The following THAP6 variants were observed in gnomAD, a reference collection of about 807,000 sequenced individuals.
THAP6 encodes THAP domain-containing protein 6.
A neutral mutation model predicts 20.0 loss-of-function variants in THAP6; 13 were observed. The ratio of observed to expected loss-of-function variants is 0.65; its 90% CI spans 0.42 to 1.03. The LOEUF (loss-of-function observed/expected upper bound fraction) is 1.03, where lower values mean the gene tolerates loss of function less well. THAP6 is among the 50% of genes least tolerant of loss of function. The pLI, the probability that THAP6 is intolerant of heterozygous loss-of-function variation, is 0.00. For missense variants in THAP6, 262 were observed against 261.6 expected (o/e 1.00, Z -0.01); for synonymous variants, 93 against 92.2 (o/e 1.01, Z -0.05).
intron 4 of THAP6, chr4:75,522,600 C>G (rs1726103071): frequency 6.6e-6 from 1 of 151,994 alleles, no homozygotes; most frequent in Non-Finnish European, 1.5e-5. Flanking sequence ...ACTACCTTTC[C>G]CAATCTCTCG....
chr4:75,521,869 A>C lies in THAP6; in HGVS notation c.414+8A>C, dbSNP rs371924272. 120 of 1,613,208 alleles carry C rather than the reference A, an allele frequency of 7.4e-5. No homozygotes were observed. Among genetic ancestry groups the C allele is most frequent in the Non-Finnish European group, 1.0e-4 (118 of 1,179,518 alleles). ...CAATCCCAGTTCATTTTTGTAAGTA[A>C]ATTACTTGCTGAGCTCATGTTAATT... is the stretch of plus-strand genomic sequence containing the variant. On this transcript the variant is annotated splice_region_variant and intron_variant, in intron 4 of 4. Transcript: ENST00000311638.
chr4:75,534,812 C>T (rs1477263427), downstream of THAP6, among the ~76,000 whole-genome samples: 2 of 152,204 alleles, frequency 1.3e-5, no homozygotes, highest in Non-Finnish European at 2.9e-5. Context: ...GAAAAAAATG[C>T]TCATCATCAC....
chr4:75,532,628 C>T (rs1303136794), downstream of THAP6, among the ~76,000 whole-genome samples: 2 of 152,244 alleles, frequency 1.3e-5, no homozygotes, highest in Non-Finnish European at 2.9e-5. Flanking sequence ...CCTGGCCCTA[C>T]AACAAACTTC....
Position 75,529,516 on chromosome 4 carries a change from A to G in THAP6, c.*2302A>G, listed in dbSNP as rs372246866. ...TTCTCTTTGTTCTAATAGGGAAGCAATTACTGATAGAAATGTGAGATTAAA... is the reference window on the plus strand; with the variant it reads ...TTCTCTTTGTTCTAATAGGGAAGCAGTTACTGATAGAAATGTGAGATTAAA... On this transcript the variant is annotated 3_prime_UTR_variant, in exon 5 of 5. Transcript: ENST00000311638. 9.4e-5 allele frequency: 93 copies of G among 985,446 alleles called. 1 individual carries two copies. In the African/African-American group the frequency reaches 1.6e-3, roughly 17 times the overall value. 61.0% of individuals were successfully genotyped at this position (985,446 alleles called of 1,614,324 possible). A position where few individuals can be genotyped will look rare whatever the true frequency, so the allele number is the denominator to read the frequency against.
intron 4 of THAP6, among the ~76,000 whole-genome samples, chr4:75,525,789 G>A (rs540396432): frequency 3.0e-4 from 45 of 152,186 alleles, no homozygotes; most frequent in Non-Finnish European, 5.0e-4. Flanking sequence ...TGACAAGACT[G>A]TTTTGCATAC....
intron 2 of THAP6, among the ~76,000 whole-genome samples, chr4:75,536,215 A>G (rs1726847438): frequency 6.6e-6 from 1 of 152,268 alleles, no homozygotes; most frequent in Non-Finnish European, 1.5e-5. Flanking sequence ...CTGTAATCCC[A>G]GCACTTTGGG....
Position 75,527,130 on chromosome 4 carries a change from G to C in THAP6, c.585G>C (p.Leu195=), listed in dbSNP as rs766728334. The C allele has an allele frequency of 1.9e-5, 31 of 1,614,012 alleles. No homozygotes were observed. In the Admixed American group the frequency reaches 4.7e-4, roughly 24 times the overall value. The change falls in exon 5 of 5, where the codon CTG becomes CTC. Residue 195 remains leucine, a synonymous_variant. Transcript: ENST00000311638. ...TCAGGGAATTAAAGGATGAATGTCT[G>C]ATCAGCCAAGAAACAGCAAATAGAC... is the stretch of plus-strand genomic sequence containing the variant. ...KTIRELKDEC[L]ISQETANRLD...
chr4:75,516,733 G>C, intron 2 of THAP6, 39 bp from the exon 3 acceptor site: 1 of 1,555,864 alleles, frequency 6.4e-7, no homozygotes, highest in Non-Finnish European at 8.8e-7. Context: ...TATAGCAATA[G>C]TATTTGATTT....
At position 75,529,587 on chromosome 4, in the gene THAP6, T is replaced by C. The variant is rs960095200; in HGVS notation, c.*2373T>C. On this transcript the variant is annotated 3_prime_UTR_variant, in exon 5 of 5. Transcript: ENST00000311638. ...TCCAAACAAATGCCTAAACACAGTATGTATCTCAGTCCTCTGTTCCCAGAG... is the reference window on the plus strand; with the variant it reads ...TCCAAACAAATGCCTAAACACAGTACGTATCTCAGTCCTCTGTTCCCAGAG... The C allele has an allele frequency of 3.0e-6, 3 of 985,334 alleles. No homozygotes were observed. The highest frequency in any genetic ancestry group is 6.1e-5 in the Admixed American group (1 of 16,262). 61.0% of individuals were successfully genotyped at this position (985,334 alleles called of 1,614,324 possible).
intron 3 of THAP6, among the ~76,000 whole-genome samples, chr4:75,521,149 A>G (rs1333162114): frequency 6.7e-6 from 1 of 149,308 alleles, no homozygotes; most frequent in Non-Finnish European, 1.5e-5. Flanking sequence ...TTTGAAATTC[A>G]GGCTTTTTTC....
chr4:75,523,676 T>A (rs1026953594), intron 4 of THAP6, among the ~76,000 whole-genome samples: 7 of 151,508 alleles, frequency 4.6e-5, no homozygotes, highest in Non-Finnish European at 1.0e-4. Flanking sequence ...GGTGGTGGCA[T>A]ATGCCTACCC....
In THAP6 at chr4:75,522,814, C is replaced by T. The variant is rs899505486; in HGVS notation, c.414+953C>T. Among the ~76,000 whole-genome samples, 8 of 152,082 alleles carry T rather than the reference C, an allele frequency of 5.3e-5. No individual in the cohort carries two copies. In the East Asian group the frequency reaches 5.8e-4, roughly 11 times the overall value. ...TTAATAGTACTCCATGGTGTTTAAG[C>T]ACCACATTTTCTTTATCCATTCATC... On this transcript the variant is annotated intron_variant, in intron 4 of 4. Transcript: ENST00000311638.
chr4:75,541,907 A>G (rs1201392398), intron 2 of THAP6, among the ~76,000 whole-genome samples: 1 of 152,004 alleles, frequency 6.6e-6, no homozygotes, highest in African/African-American at 2.4e-5. Flanking sequence ...CAGTGAGCCA[A>G]GATTGCACCA....
intron 3 of THAP6, among the ~76,000 whole-genome samples, chr4:75,520,394 C>A (rs1725948314): frequency 6.6e-6 from 1 of 152,116 alleles, no homozygotes; most frequent in African/African-American, 2.4e-5. Flanking sequence ...TACATATTGC[C>A]ATAGCTTTCC....
downstream of THAP6, chr4:75,530,107 T>C: frequency 2.0e-6 from 2 of 982,572 alleles, no homozygotes; most frequent in Non-Finnish European, 2.4e-6. Context: ...GAGGTTTTGC[T>C]CTAATTTCTC....
In THAP6 at chr4:75,529,237, G is replaced by GT; in HGVS notation, c.*2024dup. The GT allele has an allele frequency of 1.0e-6, 1 of 984,968 alleles. No homozygotes were observed. Among genetic ancestry groups the GT allele is most frequent in the Non-Finnish European group, 1.2e-6 (1 of 829,504 alleles). 61.0% of individuals were successfully genotyped at this position (984,968 alleles called of 1,614,324 possible). A position where few individuals can be genotyped will look rare whatever the true frequency, so the allele number is the denominator to read the frequency against. Reference sequence around the variant, plus strand: ...ATATAAATTAAAGTAAGACAATGGAGTAAGTAAGAGGGTAGATCCAAACAC... The same window carrying GT: ...ATATAAATTAAAGTAAGACAATGGAGTTAAGTAAGAGGGTAGATCCAAACAC... On this transcript the variant is annotated 3_prime_UTR_variant, in exon 5 of 5. Transcript: ENST00000311638.
At chr4:75,530,575 A>AT (rs1726649711), downstream of THAP6, among the ~76,000 whole-genome samples, 1 of 152,172 alleles carries the variant, frequency 6.6e-6, no homozygotes, top group South Asian at 2.1e-4. Context: ...GAACTAAGTG[A>AT]TTTTCCATAG....
chr4:75,518,256 CAAAT>C (rs1478970337), intron 3 of THAP6, among the ~76,000 whole-genome samples: 2 of 151,982 alleles, frequency 1.3e-5, no homozygotes, highest in South Asian at 2.1e-4. Context: ...TTTCTTATAA[CAAAT>C]AAATTTTTCA....
chr4:75,519,297 G>A (rs892946039), intron 3 of THAP6, among the ~76,000 whole-genome samples: 2 of 148,818 alleles, frequency 1.3e-5, no homozygotes, highest in African/African-American at 4.9e-5. Flanking sequence ...ATTATAAATT[G>A]TGCAGCTCTG....
Sources: allele counts gnomAD v4.1 joint callset (sites outside exome capture counted in the v4.1 genomes callset), GRCh38; gene constraint gnomAD v4.1.1; transcripts MANE v1.5; gene names NCBI Gene and HGNC (gene_info 2026-07-23, HGNC 2026-07-21).